Variants in ZNF148 observed in about 807,000 individuals in gnomAD.
The protein encoded by ZNF148 is Beta-Enolase Repressor Factor-1.
Under a neutral mutation model 67.7 loss-of-function variants are expected in ZNF148, and 7 were observed. That is an observed-to-expected ratio of 0.10 (90% CI 0.06 to 0.19). The LOEUF (loss-of-function observed/expected upper bound fraction) is 0.19, where lower values mean the gene tolerates loss of function less well. ZNF148 is among the 10% of genes least tolerant of loss of function. The probability of loss-of-function intolerance (pLI) is 1.00; values close to 1 mark genes in which losing one functional copy is unlikely to be tolerated. For missense variants in ZNF148, 583 were observed against 947.1 expected (o/e 0.62, Z 5.05); for synonymous variants, 333 against 330.7 (o/e 1.01, Z -0.08).
chr3:125,337,829 C>T (rs985086075), intron 1 of ZNF148, among the ~76,000 whole-genome samples: 1 of 152,050 alleles, frequency 6.6e-6, no homozygotes, highest in African/African-American at 2.4e-5. Flanking sequence ...AGGCCAGGCA[C>T]AGCAGTTCAT....
intron 5 of ZNF148, among the ~76,000 whole-genome samples, chr3:125,285,952 C>A (rs546434020): frequency 5.9e-5 from 9 of 152,202 alleles, no homozygotes; most frequent in African/African-American, 1.4e-4. Flanking sequence ...AATACCTAAT[C>A]TATATTTACA....
rs374728880 is a variant in ZNF148, at chr3:125,264,502, T to C, written c.667+13224A>G. 6.6e-5 allele frequency among the ~76,000 whole-genome samples: 10 copies of C among 152,340 alleles called. No homozygotes were observed. The South Asian group carries it at 2.1e-3, about 32-fold the overall frequency. On this transcript the variant is annotated intron_variant, in intron 7 of 8. Transcript: ENST00000360647. ...ACAGATCATAGTAATTGGTACCATC[T>C]GTCAACTCATCAATAGCCAAGGAAA...
chr3:125,359,876 A>G (rs892669019), intron 1 of ZNF148, among the ~76,000 whole-genome samples: 2 of 152,210 alleles, frequency 1.3e-5, no homozygotes, highest in Non-Finnish European at 2.9e-5. Flanking sequence ...AGTGGGCGGC[A>G]GCCCACCCGC....
intron 7 of ZNF148, among the ~76,000 whole-genome samples, chr3:125,251,399 A>C (rs767417947): frequency 2.6e-5 from 4 of 152,252 alleles, no homozygotes; most frequent in Non-Finnish European, 5.9e-5. Context: ...ACAGAAAAGT[A>C]TACAAACCGT....
In ZNF148 at chr3:125,240,491, T is replaced by A. The variant is rs547415747; in HGVS notation, c.668-6162A>T. Among the ~76,000 whole-genome samples the A allele has an allele frequency of 5.9e-5, 9 of 152,204 alleles. No homozygotes were observed. In the East Asian group the frequency reaches 1.5e-3, roughly 26 times the overall value. On this transcript the variant is annotated intron_variant, in intron 7 of 8. Transcript: ENST00000360647. ...CTTTAACAAAAAAGTCAACCAGGTG[T>A]GCTGCCTCAAGCCACTGATCCCAGC... is the stretch of plus-strand genomic sequence containing the variant.
chr3:125,306,822 T>G (rs571346070), intron 4 of ZNF148, among the ~76,000 whole-genome samples: 100 of 152,170 alleles, frequency 6.6e-4, no homozygotes, highest in Non-Finnish European at 1.2e-3. Flanking sequence ...ACTGTGACCC[T>G]GCACTCTGCA....
chr3:125,327,820 AAAAC>A (rs2107703901), intron 2 of ZNF148, among the ~76,000 whole-genome samples: 1 of 152,360 alleles, frequency 6.6e-6, no homozygotes, highest in Admixed American at 6.5e-5. Flanking sequence ...AATGAAAATG[AAAAC>A]AAATATCAAA....
intron 7 of ZNF148, among the ~76,000 whole-genome samples, chr3:125,240,820 G>T (rs531826796): frequency 6.7e-6 from 1 of 149,334 alleles, no homozygotes; most frequent in East Asian, 2.0e-4. Context: ...AAACATTAAC[G>T]CCTTAAAAGT....
intron 7 of ZNF148, among the ~76,000 whole-genome samples, chr3:125,260,941 T>C (rs17264366): frequency 0.14 from 20,757 of 152,178 alleles, 1,673 homozygotes; most frequent in Non-Finnish European, 0.17. Flanking sequence ...TCCTGATTTA[T>C]TGATAAGCAG....
In ZNF148 at chr3:125,329,871, T is replaced by C. The variant is rs148023987; in HGVS notation, c.-153+1287A>G. On this transcript the variant is annotated intron_variant, in intron 2 of 8. Coordinates refer to ENST00000360647, the MANE Select transcript of ZNF148 (RefSeq NM_021964.3). ...TATTTTTTAATATTACTGAATAATA[T>C]GGTGTGATCTCATTTGTGTAAAAAA... is the stretch of plus-strand genomic sequence containing the variant. Among the ~76,000 whole-genome samples the C allele has an allele frequency of 3.2e-3, 495 of 152,328 alleles. 1 individual carries two copies. The highest frequency in any genetic ancestry group is 0.011 in the African/African-American group (476 of 41,572).
chr3:125,274,386 A>G (rs779575781), intron 7 of ZNF148, among the ~76,000 whole-genome samples: 1 of 152,222 alleles, frequency 6.6e-6, no homozygotes, highest in African/African-American at 2.4e-5. Context: ...CAAAAATAGC[A>G]GTCCTGAGGA....
intron 7 of ZNF148, among the ~76,000 whole-genome samples, chr3:125,240,105 G>A (rs1192471720): frequency 1.3e-5 from 2 of 152,150 alleles, no homozygotes; most frequent in Admixed American, 6.5e-5. Flanking sequence ...TCTCAGTAAC[G>A]TTATTTTTAA....
chr3:125,363,559 T>G (rs1559784623), intron 1 of ZNF148, among the ~76,000 whole-genome samples: 2 of 152,212 alleles, frequency 1.3e-5, no homozygotes. Flanking sequence ...CTATCTGCCA[T>G]CAAACCTTCC....
chr3:125,313,580 G>C lies in ZNF148; in HGVS notation c.61C>G (p.Gln21Glu). Reference protein sequence around the residue: ...FLKCGGIDEMQSSRTMVVMGG... With the variant: ...FLKCGGIDEMESSRTMVVMGG... The stretch of plus-strand genomic sequence containing the variant: ...ATTACAACCATTGTCCTGGAAGACT[G>C]CATTTCGTCTATGCCGCCACATTTA... Residue 21 changes from glutamine (Q) to glutamate (E), a missense_variant, in exon 4 of 9, where the codon CAG (glutamine) becomes GAG (glutamate). Gln to Glu is a conservative substitution (Grantham distance 29, BLOSUM62 2). Around this residue, in one of 5 missense-constraint regions of ZNF148, gnomAD observed 150 missense variants for 202.5 expected, o/e 0.74. Transcript: ENST00000360647. 1.9e-6 allele frequency: 3 copies of C among 1,614,160 alleles called. No individual in the cohort carries two copies. The highest frequency in any genetic ancestry group is 2.5e-6 in the Non-Finnish European group (3 of 1,179,992).
intron 1 of ZNF148, among the ~76,000 whole-genome samples, chr3:125,340,607 T>C (rs562214317): frequency 6.6e-6 from 1 of 152,150 alleles, no homozygotes; most frequent in Non-Finnish European, 1.5e-5. Flanking sequence ...GCAAAGTCTC[T>C]AAAAATTAAA....
At chr3:125,373,455 G>C (rs1942956914) in intron 1 of ZNF148, among the ~76,000 whole-genome samples, 1 of 151,982 alleles carries the variant, frequency 6.6e-6, no homozygotes, top group Non-Finnish European at 1.5e-5. Flanking sequence ...TATGGTTCTA[G>C]CCCAGAGTTC....
chr3:125,373,042 A>T (rs1335314218), intron 1 of ZNF148, among the ~76,000 whole-genome samples: 1 of 152,124 alleles, frequency 6.6e-6, no homozygotes, highest in Non-Finnish European at 1.5e-5. Context: ...CATTCTGCTT[A>T]CAAAAATTAA....
intron 6 of ZNF148, among the ~76,000 whole-genome samples, chr3:125,278,615 C>G (rs748131962): frequency 1.3e-4 from 20 of 152,122 alleles, no homozygotes; most frequent in Non-Finnish European, 2.4e-4. Context: ...CTACTAGCTT[C>G]TGGGACACTA....
chr3:125,238,788 G>A (rs2107523018), intron 7 of ZNF148, among the ~76,000 whole-genome samples: 1 of 152,258 alleles, frequency 6.6e-6, no homozygotes, highest in African/African-American at 2.4e-5. Flanking sequence ...TGAAAACATG[G>A]ATTCAAACAG....
Sources: gnomAD v4.1 joint callset for allele counts (sites outside exome capture counted in the v4.1 genomes callset) on GRCh38, gnomAD v4.1.1 for gene constraint, gnomAD v4.1.1 regional missense constraint, MANE v1.5 for transcripts, NCBI Gene and HGNC (gene_info 2026-07-23, HGNC 2026-07-21) for gene names.